Variants in CCNB1 observed in about 807,000 individuals in gnomAD.
The protein encoded by CCNB1 is G2/mitotic-specific cyclin-B1.
CCNB1 carries 26 observed loss-of-function variants against 44.4 expected under a neutral mutation model. The ratio of observed to expected loss-of-function variants is 0.59; its 90% CI spans 0.43 to 0.81. The LOEUF is 0.81. Among genes scored for constraint, CCNB1 ranks in the 40% least tolerant of loss-of-function variants. The pLI is 0.00. For missense variants in CCNB1, 477 were observed against 520.9 expected, an observed-to-expected ratio of 0.92 and a Z score of 0.82; for synonymous variants, 195 against 181.4, an observed-to-expected ratio of 1.08 and a Z score of -0.60.
At position 69,167,226 on chromosome 5, in the gene CCNB1, T is replaced by G. The variant is rs768751677; in HGVS notation, c.-37T>G. ...CTGGTCGGGCCTCCGGTGTTCTGCTTCTCCCCGCTGAGCTGCTGCCTGGTG... is the reference window on the plus strand; with the variant it reads ...CTGGTCGGGCCTCCGGTGTTCTGCTGCTCCCCGCTGAGCTGCTGCCTGGTG... On this transcript the variant is annotated 5_prime_UTR_variant, in exon 1 of 9. Transcript: ENST00000256442. 1.3e-6 allele frequency: 2 copies of G among 1,544,056 alleles called. No homozygotes were observed.
Position 69,175,536 on chromosome 5 carries a change from G to A in CCNB1, c.1082G>A (p.Trp361Ter). Residue 361 changes from tryptophan (W) to a stop codon, truncating the protein, a stop_gained and splice_region_variant, in exon 7 of 9, where the codon TGG (tryptophan) becomes TAG (stop). Transcript: ENST00000256442. LOFTEE classifies it high-confidence loss of function. ...CTGAAAATTCTGGATAATGGTGAAT[G>A]GGTAAGCTGTGTCCCACAGAACTCC... Reference protein sequence around the residue: ...LALKILDNGEWTPTLQHYLSY... With the variant: ...LALKILDNGE 2 of 1,613,830 alleles carry A rather than the reference G, an allele frequency of 1.2e-6. No individual in the cohort carries two copies. The highest frequency in any genetic ancestry group is 1.7e-6 in the Non-Finnish European group (2 of 1,179,916).
chr5:69,173,820 A>C (rs1747517760), intron 4 of CCNB1, among the ~76,000 whole-genome samples: 1 of 151,332 alleles, frequency 6.6e-6, no homozygotes, highest in Non-Finnish European at 1.5e-5. Flanking sequence ...CCCAGGCTGG[A>C]GTGCAGTGGT....
At chr5:69,171,187 G>T (rs1747450886) in intron 3 of CCNB1, 83 bp from the exon 4 acceptor site, 1 of 937,964 alleles carries the variant, frequency 1.1e-6, no homozygotes, top group Admixed American at 2.5e-5. Flanking sequence ...ACTAGCTTGA[G>T]TTGGTACCAA....
At chr5:69,177,391 A>G (rs1747620231) in intron 8 of CCNB1, 42 bp downstream of exon 8, 4 of 1,404,626 alleles carry the variant, frequency 2.8e-6, no homozygotes, top group Non-Finnish European at 2.0e-6. Context: ...GAAAAGTGTA[A>G]TAATTCAAAC....
chr5:69,175,928 C>A (rs1006921737), intron 7 of CCNB1, among the ~76,000 whole-genome samples: 1 of 149,548 alleles, frequency 6.7e-6, no homozygotes, highest in Non-Finnish European at 1.5e-5. Context: ...ACAAAAGAGT[C>A]GCCCACCAGC....
At chr5:69,176,834 C>G (rs978602859) in intron 7 of CCNB1, among the ~76,000 whole-genome samples, 3 of 151,930 alleles carry the variant, frequency 2.0e-5, no homozygotes, top group East Asian at 2.0e-4. Context: ...CAAAAATTAG[C>G]CAGGTGTGGC....
At chr5:69,167,536 G>T in intron 1 of CCNB1, 1 of 539,678 alleles carries the variant, frequency 1.9e-6, no homozygotes, top group South Asian at 2.3e-5. Flanking sequence ...GGGAGGTGGA[G>T]AGTCGACTGG....
chr5:69,175,398 T>C lies in CCNB1; in HGVS notation c.944T>C (p.Val315Ala), dbSNP rs977184606. The C allele has an allele frequency of 6.2e-7, 1 of 1,612,968 alleles. No individual in the cohort carries two copies. The highest frequency in any genetic ancestry group is 8.5e-7 in the Non-Finnish European group (1 of 1,179,726). The change falls in exon 7 of 9, where the codon GTT becomes GCT. Residue 315 changes from valine to alanine, a missense_variant and splice_region_variant. By Grantham distance (64) the Val-to-Ala change is moderately conservative (BLOSUM62 0). Transcript: ENST00000256442. ...FLRRASKIGEVDVEQHTLAKY... is the reference protein window; with the variant it reads ...FLRRASKIGEADVEQHTLAKY... ...TCAGTAACATGGGTTTTGTTTCAGG[T>C]TGATGTCGAGCAACATACTTTGGCC...
intron 1 of CCNB1, chr5:69,167,613 C>A (rs552524507): frequency 2.0e-6 from 1 of 500,484 alleles, no homozygotes; most frequent in African/African-American, 2.0e-5. Flanking sequence ...ACCCCCTTCC[C>A]AGAGAGAAGG....
At chr5:69,176,550 T>C (rs1747597239) in intron 7 of CCNB1, among the ~76,000 whole-genome samples, 1 of 149,454 alleles carries the variant, frequency 6.7e-6, no homozygotes, top group Non-Finnish European at 1.5e-5. Flanking sequence ...ATATTTTTTT[T>C]TAGTAGAGAT....
Position 69,175,468 on chromosome 5 carries a change from C to T in CCNB1, c.1014C>T (p.His338=). Residue 338 remains histidine (H), a synonymous_variant, in exon 7 of 9, where the codon CAC becomes CAT. Coordinates refer to ENST00000256442, the MANE Select transcript of CCNB1 (RefSeq NM_031966.4). The part of the protein sequence containing the change: ...ELTMLDYDMV[H]FPPSQIAAGA... ...CTATGTTGGACTATGACATGGTGCA[C>T]TTTCCTCCTTCTCAAATTGCAGCAG... is the stretch of plus-strand genomic sequence containing the variant. 2 of 1,614,040 alleles carry T rather than the reference C, an allele frequency of 1.2e-6. No homozygotes were observed. Among genetic ancestry groups the T allele is most frequent in the Non-Finnish European group, 1.7e-6 (2 of 1,179,870 alleles).
rs183509793 is a variant in CCNB1, at chr5:69,168,893, C to T, written c.363+550C>T. On this transcript the variant is annotated intron_variant, in intron 3 of 8. Coordinates refer to ENST00000256442, the MANE Select transcript of CCNB1 (RefSeq NM_031966.4). Reference sequence around the variant, plus strand: ...GAGTGGTTAAGAAGATGAATTAACACTTAGCCTCAAAAATAATAACTTTTT... The same window carrying T: ...GAGTGGTTAAGAAGATGAATTAACATTTAGCCTCAAAAATAATAACTTTTT... Among the ~76,000 whole-genome samples the T allele has an allele frequency of 5.3e-5, 8 of 152,258 alleles. No homozygotes were observed. In the East Asian group the frequency reaches 1.3e-3, roughly 26 times the overall value.
At chr5:69,167,822 A>AAGTCGGCTTT (rs1747369037) in intron 1 of CCNB1, 86 bp from the exon 2 acceptor site, 1 of 1,246,026 alleles carries the variant, frequency 8.0e-7, no homozygotes. Context: ...CTTTCTGGGA[A>AAGTCGGCTTT]CTTCTCCTTG....
At position 69,168,230 on chromosome 5, in the gene CCNB1, G is replaced by A; in HGVS notation, c.250G>A (p.Glu84Lys). The A allele has an allele frequency of 6.2e-7, 1 of 1,614,176 alleles. No homozygotes were observed. Among genetic ancestry groups the A allele is most frequent in the South Asian group, 1.1e-5 (1 of 91,090 alleles). ...TGATAAAAAACTACCAAAACCTCTT[G>A]AAAAGGTACCTATGCTGGTGCCAGT... is the stretch of plus-strand genomic sequence containing the variant. ...VIDKKLPKPL[E>K]KVPMLVPVPV... Residue 84 changes from glutamate to lysine, a missense_variant, in exon 3 of 9, where the codon GAA becomes AAA. Transcript: ENST00000256442.
At position 69,177,542 on chromosome 5, in the gene CCNB1, G is replaced by C. The variant is rs1747624078; in HGVS notation, c.1213G>C (p.Ala405Pro). The C allele has an allele frequency of 1.6e-5, 25 of 1,611,902 alleles. No individual in the cohort carries two copies. Among genetic ancestry groups the C allele is most frequent in the Non-Finnish European group, 2.1e-5 (25 of 1,178,342 alleles). ...TKHMTVKNKY[A>P]TSKHAKISTL... ...CTTCCAGACTGTCAAGAACAAGTAT[G>C]CCACATCGAAGCATGCTAAGATCAG... The change falls in exon 9 of 9, where the codon GCC becomes CCC. Residue 405 changes from alanine to proline, a missense_variant. Ala to Pro is a conservative substitution (Grantham distance 27). Coordinates refer to ENST00000256442, the MANE Select transcript of CCNB1 (RefSeq NM_031966.4).
chr5:69,168,330 C>T lies in CCNB1; in HGVS notation c.350C>T (p.Pro117Leu). 9 of 1,614,200 alleles carry T rather than the reference C, an allele frequency of 5.6e-6. No homozygotes were observed. Among genetic ancestry groups the T allele is most frequent in the Non-Finnish European group, 7.6e-6 (9 of 1,180,028 alleles). ...CCTGTTAAAGAAGAAAAACTTTCGCCTGAGCCTATTTTGGTAAACTTATTC... is the reference window on the plus strand; with the variant it reads ...CCTGTTAAAGAAGAAAAACTTTCGCTTGAGCCTATTTTGGTAAACTTATTC... ...PEPVKEEKLS[P>L]EPILVDTASP... is the part of the protein sequence containing the mutation. Residue 117 changes from proline to leucine, a missense_variant, in exon 3 of 9, where the codon CCT becomes CTT. Transcript: ENST00000256442.
chr5:69,171,064 G>A (rs1257154908), intron 3 of CCNB1, among the ~76,000 whole-genome samples: 9 of 152,144 alleles, frequency 5.9e-5, no homozygotes, highest in Admixed American at 4.6e-4. Context: ...GAGCCACCGC[G>A]CCCAACCCAA....
intron 7 of CCNB1, among the ~76,000 whole-genome samples, chr5:69,175,852 A>T (rs1747573865): frequency 6.6e-6 from 1 of 151,784 alleles, no homozygotes; most frequent in Non-Finnish European, 1.5e-5. Context: ...CCCACATTGT[A>T]ACAAGGTTTG....
rs776092366 is a variant in CCNB1, at chr5:69,167,957, C to T, written c.71C>T (p.Ala24Val). The T allele has an allele frequency of 5.5e-5, 89 of 1,613,852 alleles. No individual in the cohort carries two copies. The highest frequency in any genetic ancestry group is 7.1e-5 in the Non-Finnish European group (84 of 1,179,982). ...ENKAKINMAGAKRVPTAPAAT... is the reference protein window; with the variant it reads ...ENKAKINMAGVKRVPTAPAAT... ...AAGGCGAAGATCAACATGGCAGGCG[C>T]AAAGCGCGTTCCTACGGCCCCTGCT... is the stretch of plus-strand genomic sequence containing the variant. The change falls in exon 2 of 9, where the codon GCA becomes GTA. Residue 24 changes from alanine to valine, a missense_variant. By Grantham distance (64) the Ala-to-Val change is moderately conservative. Coordinates refer to ENST00000256442, the MANE Select transcript of CCNB1 (RefSeq NM_031966.4).
Sources: allele counts gnomAD v4.1 joint callset (sites outside exome capture counted in the v4.1 genomes callset), GRCh38; gene constraint gnomAD v4.1.1; transcripts MANE v1.5; gene names NCBI Gene and HGNC (gene_info 2026-07-23, HGNC 2026-07-21).